Variants in IMMP2L observed in about 807,000 individuals in gnomAD.
The protein encoded by IMMP2L is inner mitochondrial membrane peptidase subunit 2, also known as mitochondrial inner membrane protease subunit 2.
IMMP2L carries 18 observed loss-of-function variants against 19.3 expected under a neutral mutation model. The observed-to-expected ratio is 0.93, with a 90% confidence interval of 0.64 to 1.38. IMMP2L has a LOEUF of 1.38. Among genes scored for constraint, IMMP2L ranks in the 40% most tolerant of loss-of-function variants. The probability of loss-of-function intolerance (pLI) is 0.00; values close to 1 mark genes in which losing one functional copy is unlikely to be tolerated. For synonymous variants in IMMP2L, 76 were observed against 73.0 expected (o/e 1.04, Z -0.21); for missense variants, 233 against 218.2 (o/e 1.07, Z -0.43).
At position 110,713,652 on chromosome 7, in the gene IMMP2L, G is replaced by GT. The variant is rs34712036; in HGVS notation, c.409-49932dup. 4.6e-3 allele frequency among the ~76,000 whole-genome samples: 649 copies of GT among 141,944 alleles called. 4 individuals are homozygous for GT. The highest frequency in any genetic ancestry group is 0.016 in the African/African-American group (609 of 38,936). 93.1% of individuals were successfully genotyped at this position (141,944 alleles called of 152,430 possible). A position where few individuals can be genotyped will look rare whatever the true frequency, so the allele number is the denominator to read the frequency against. ...GCCTTGGTTGGGTGTATTTTTAGGTGTTTTTTTTTTTTTTTAGTTTTTGTT... is the reference window on the plus strand; with the variant it reads ...GCCTTGGTTGGGTGTATTTTTAGGTGTTTTTTTTTTTTTTTTAGTTTTTGTT... On this transcript the variant is annotated intron_variant, in intron 5 of 5. Transcript: ENST00000405709.
intron 5 of IMMP2L, among the ~76,000 whole-genome samples, chr7:110,828,069 G>C (rs1304099431): frequency 6.6e-6 from 1 of 152,062 alleles, no homozygotes; most frequent in Non-Finnish European, 1.5e-5. Context: ...AGATTTTTTA[G>C]TCATCTCTCC....
chr7:111,279,431 G>A lies in IMMP2L; in HGVS notation c.239+207807C>T, dbSNP rs554241335. Among the ~76,000 whole-genome samples, 20 of 152,212 alleles carry A rather than the reference G, an allele frequency of 1.3e-4. No homozygotes were observed. In the East Asian group the frequency reaches 1.5e-3, roughly 12 times the overall value. On this transcript the variant is annotated intron_variant, in intron 3 of 5. Transcript: ENST00000405709. Reference sequence around the variant, plus strand: ...TGGGCCCTAATCCAAAGACAAGTCCGTTGAAGAGAAGGAGAAACAAACAGA... The same window carrying A: ...TGGGCCCTAATCCAAAGACAAGTCCATTGAAGAGAAGGAGAAACAAACAGA...
intron 3 of IMMP2L, among the ~76,000 whole-genome samples, chr7:111,317,247 T>C (rs1824211111): frequency 6.6e-6 from 1 of 152,130 alleles, no homozygotes; most frequent in Non-Finnish European, 1.5e-5. Context: ...CAGGCCTACC[T>C]CATTTCATTC....
chr7:111,298,944 A>G (rs1039849351), intron 3 of IMMP2L, among the ~76,000 whole-genome samples: 2 of 152,160 alleles, frequency 1.3e-5, no homozygotes, highest in African/African-American at 4.8e-5. Context: ...TTGATCAGTA[A>G]TGAGTGTCTG....
At chr7:111,538,270 T>C (rs969756345) in intron 1 of IMMP2L, among the ~76,000 whole-genome samples, 1 of 152,092 alleles carries the variant, frequency 6.6e-6, no homozygotes, top group Admixed American at 6.5e-5. Context: ...CCATATAAAC[T>C]ACATCATACT....
intron 5 of IMMP2L, among the ~76,000 whole-genome samples, chr7:110,763,970 C>G (rs1388948776): frequency 6.6e-6 from 1 of 152,110 alleles, no homozygotes; most frequent in Non-Finnish European, 1.5e-5. Context: ...TTCAGCCCAG[C>G]TCTTTGCTAA....
intron 5 of IMMP2L, among the ~76,000 whole-genome samples, chr7:110,665,738 A>C (rs1024929239): frequency 1.3e-5 from 2 of 152,190 alleles, no homozygotes; most frequent in Admixed American, 1.3e-4. Flanking sequence ...TTGTGATGCC[A>C]AGTTTGATCA....
chr7:111,064,729 G>T (rs963613246), intron 3 of IMMP2L, among the ~76,000 whole-genome samples: 10 of 152,114 alleles, frequency 6.6e-5, no homozygotes, highest in African/African-American at 2.2e-4. Flanking sequence ...TGGACACCTT[G>T]GGCTCCTCCT....
At chr7:110,730,838 T>C (rs1414647049) in intron 5 of IMMP2L, among the ~76,000 whole-genome samples, 1 of 152,220 alleles carries the variant, frequency 6.6e-6, no homozygotes, top group African/African-American at 2.4e-5. Context: ...ACTGGCTTTC[T>C]TACTCCTCAG....
At chr7:111,504,669 A>G (rs904771023) in intron 2 of IMMP2L, among the ~76,000 whole-genome samples, 2 of 152,208 alleles carry the variant, frequency 1.3e-5, no homozygotes, top group African/African-American at 4.8e-5. Context: ...ATAATGCCGC[A>G]TATCTACAAC....
chr7:111,062,920 G>A (rs1299757986), intron 3 of IMMP2L, among the ~76,000 whole-genome samples: 5 of 152,238 alleles, frequency 3.3e-5, no homozygotes, highest in African/African-American at 1.2e-4. Flanking sequence ...CTGGAATTGA[G>A]TGACTGCGGC....
chr7:110,741,059 G>A (rs1796958767), intron 5 of IMMP2L, among the ~76,000 whole-genome samples: 2 of 152,128 alleles, frequency 1.3e-5, no homozygotes, highest in Non-Finnish European at 2.9e-5. Flanking sequence ...AGCACAATTT[G>A]CAGTTGCAAA....
intron 3 of IMMP2L, among the ~76,000 whole-genome samples, chr7:111,442,251 C>G (rs1350794910): frequency 6.6e-6 from 1 of 151,828 alleles, no homozygotes; most frequent in African/African-American, 2.4e-5. Context: ...AGCCACTTAC[C>G]ATGCTCCACA....
intron 4 of IMMP2L, among the ~76,000 whole-genome samples, chr7:110,894,390 C>T (rs1563060931): frequency 1.3e-5 from 2 of 152,160 alleles, no homozygotes; most frequent in African/African-American, 2.4e-5. Context: ...CCACATCTCA[C>T]CAGCACTTGA....
chr7:111,188,521 T>A (rs1586745879), intron 3 of IMMP2L, among the ~76,000 whole-genome samples: 1 of 151,958 alleles, frequency 6.6e-6, no homozygotes, highest in African/African-American at 2.4e-5. Flanking sequence ...TCCCAAAGGC[T>A]CCACCTCCTA....
chr7:111,529,465 G>A (rs1847192095), intron 1 of IMMP2L, among the ~76,000 whole-genome samples: 1 of 152,082 alleles, frequency 6.6e-6, no homozygotes. Context: ...CAGACACTTA[G>A]TACTCTTTAG....
At chr7:111,346,258 C>T (rs951371625) in intron 3 of IMMP2L, among the ~76,000 whole-genome samples, 1 of 152,078 alleles carries the variant, frequency 6.6e-6, no homozygotes, top group Non-Finnish European at 1.5e-5. Flanking sequence ...TTGCTAGAGG[C>T]TATATTGGGA....
At chr7:111,135,138 T>C (rs887026378) in intron 3 of IMMP2L, among the ~76,000 whole-genome samples, 11 of 152,134 alleles carry the variant, frequency 7.2e-5, no homozygotes, top group African/African-American at 2.6e-4. Context: ...AAAAAATGAA[T>C]CCAGTTTTAG....
chr7:111,188,098 C>T (rs951947060), intron 3 of IMMP2L, among the ~76,000 whole-genome samples: 1 of 152,008 alleles, frequency 6.6e-6, no homozygotes, highest in African/African-American at 2.4e-5. Context: ...GATGTCAGTG[C>T]TTATAGCTTG....
Sources: gnomAD v4.1 joint callset for allele counts (sites outside exome capture counted in the v4.1 genomes callset) on GRCh38, gnomAD v4.1.1 for gene constraint, MANE v1.5 for transcripts, NCBI Gene and HGNC (gene_info 2026-07-23, HGNC 2026-07-21) for gene names.